The following ANKRD6 variants were observed in gnomAD, a reference collection of about 807,000 sequenced individuals.
ANKRD6 encodes the protein ankyrin repeat domain 6.
ANKRD6 carries 56 observed loss-of-function variants against 82.3 expected under a neutral mutation model. The ratio of observed to expected loss-of-function variants is 0.68; its 90% confidence interval spans 0.55 to 0.85. ANKRD6 has a LOEUF of 0.85. ANKRD6 is among the 40% of genes least tolerant of loss of function. The pLI is 0.00. For missense variants in ANKRD6, 852 were observed against 907.6 expected, an observed-to-expected ratio of 0.94 and a Z score of 0.79; for synonymous variants, 347 against 352.1, an observed-to-expected ratio of 0.99 and a Z score of 0.16.
intron 1 of ANKRD6, among the ~76,000 whole-genome samples, chr6:89,455,668 G>A (rs1021171460): frequency 6.6e-6 from 1 of 151,912 alleles, no homozygotes; most frequent in African/African-American, 2.4e-5. Flanking sequence ...TGTTTTAAAA[G>A]CATGTAACAC....
At chr6:89,600,614 TAAGAAGGG>T (rs1796914140) in intron 3 of ANKRD6, among the ~76,000 whole-genome samples, 1 of 152,160 alleles carries the variant, frequency 6.6e-6, no homozygotes, top group Non-Finnish European at 1.5e-5. Context: ...TGGTTCTTGC[TAAGAAGGG>T]CACTGTCTTT....
chr6:89,516,205 C>T (rs937902534), intron 1 of ANKRD6, among the ~76,000 whole-genome samples: 2 of 152,162 alleles, frequency 1.3e-5, no homozygotes, highest in Non-Finnish European at 2.9e-5. Context: ...CTGAGTAGAG[C>T]AGATGGCCCT....
chr6:89,611,939 C>G (rs552640638), intron 5 of ANKRD6, among the ~76,000 whole-genome samples: 52 of 152,322 alleles, frequency 3.4e-4, no homozygotes, highest in African/African-American at 1.1e-3. Context: ...CCTAGACACT[C>G]TGAGTCAATC....
rs1366168122 is a variant in ANKRD6 at position 89,566,844 on chromosome 6, T to C, written c.-133T>C. On this transcript the variant is annotated 5_prime_UTR_variant, in exon 2 of 16. An upstream start codon of the reference 5' UTR is lost. Transcript: ENST00000339746. ...TTTTGTAACCCCTAGGTCCCGAAGA[T>C]GGCATATTCATAAAGACATCTTCTG... is the stretch of plus-strand genomic sequence containing the variant. 1 of 1,276,748 alleles carries C rather than the reference T, an allele frequency of 7.8e-7. No individual in the cohort carries two copies. Among genetic ancestry groups the C allele is most frequent in the Non-Finnish European group, 1.1e-6 (1 of 930,938 alleles). The allele number at this position is 1,276,748 out of a possible 1,614,324, so 79.1% of individuals were successfully genotyped here.
chr6:89,463,924 A>G (rs556687804), intron 1 of ANKRD6, among the ~76,000 whole-genome samples: 1 of 152,346 alleles, frequency 6.6e-6, no homozygotes, highest in African/African-American at 2.4e-5. Flanking sequence ...TTCTCATTGA[A>G]GGAGCTCATC....
intron 1 of ANKRD6, among the ~76,000 whole-genome samples, chr6:89,485,477 T>C (rs1046507629): frequency 5.9e-5 from 9 of 152,206 alleles, no homozygotes; most frequent in African/African-American, 2.2e-4. Flanking sequence ...TTATATTCTT[T>C]CCTCAAAGGG....
At chr6:89,460,527 C>A (rs891302929) in intron 1 of ANKRD6, among the ~76,000 whole-genome samples, 2 of 152,068 alleles carry the variant, frequency 1.3e-5, no homozygotes, top group Non-Finnish European at 2.9e-5. Flanking sequence ...ACCTCTGCCT[C>A]CCAGGTTCAA....
intron 9 of ANKRD6, among the ~76,000 whole-genome samples, chr6:89,620,992 C>G (rs1329382233): frequency 6.6e-6 from 1 of 152,096 alleles, no homozygotes; most frequent in East Asian, 1.9e-4. Flanking sequence ...TGGCGTGAAC[C>G]CGGGAGGCGG....
intron 1 of ANKRD6, among the ~76,000 whole-genome samples, chr6:89,493,044 A>G (rs1422662074): frequency 6.6e-6 from 1 of 152,174 alleles, no homozygotes. Context: ...AAAAATGTCA[A>G]ATGATAGGTG....
intron 7 of ANKRD6, among the ~76,000 whole-genome samples, chr6:89,614,250 A>T (rs776450122): frequency 5.3e-5 from 8 of 152,204 alleles, no homozygotes; most frequent in Non-Finnish European, 1.0e-4. Context: ...AGTGGCTCAC[A>T]TCCCAGTACT....
intron 1 of ANKRD6, among the ~76,000 whole-genome samples, chr6:89,486,040 A>G (rs1777327606): frequency 6.6e-6 from 1 of 152,232 alleles, no homozygotes; most frequent in Admixed American, 6.5e-5. Context: ...TTTGATACAT[A>G]TCTTGCCAGT....
intron 1 of ANKRD6, among the ~76,000 whole-genome samples, chr6:89,444,134 G>T (rs1771765629): frequency 6.6e-6 from 1 of 152,188 alleles, no homozygotes; most frequent in Non-Finnish European, 1.5e-5. Context: ...TGAGAGGAAG[G>T]ACCTAAGTCC....
chr6:89,612,357 A>T lies in ANKRD6; in HGVS notation c.503A>T (p.Asp168Val), dbSNP rs1360487218. 6.4e-7 allele frequency: 1 copy of T among 1,556,818 alleles called. No homozygotes were observed. Among genetic ancestry groups the T allele is most frequent in the Non-Finnish European group, 8.7e-7 (1 of 1,148,866 alleles). The change falls in exon 6 of 16, where the codon GAC becomes GTC. Residue 168 changes from aspartate to valine, a missense_variant. Physicochemically the swap from Asp to Val is radical, Grantham distance 152. Transcript: ENST00000339746. ...CTCCTGCTGGCCGGGTCCCGCGCTG[A>T]CCTCAAAAATAATGTGGGTGAACAA... is the stretch of plus-strand genomic sequence containing the variant. ...RVLLLAGSRA[D>V]LKNNAGDTCL...
chr6:89,548,277 C>T (rs1019896504), intron 1 of ANKRD6, among the ~76,000 whole-genome samples: 2 of 152,178 alleles, frequency 1.3e-5, no homozygotes, highest in Admixed American at 6.6e-5. Flanking sequence ...TAAATAGAAG[C>T]ATGCACTATG....
At chr6:89,626,907 C>T (rs954078929) in intron 13 of ANKRD6, among the ~76,000 whole-genome samples, 20 of 152,232 alleles carry the variant, frequency 1.3e-4, no homozygotes, top group Admixed American at 9.8e-4. Context: ...AATATTTGCT[C>T]ACTGCAAGAG....
At chr6:89,519,832 A>G (rs188351032) in intron 1 of ANKRD6, among the ~76,000 whole-genome samples, 148 of 152,346 alleles carry the variant, frequency 9.7e-4, no homozygotes, top group African/African-American at 3.3e-3. Context: ...TAGAAATGCT[A>G]TCTGTTAAAG....
chr6:89,468,225 G>A (rs752063315), intron 1 of ANKRD6, among the ~76,000 whole-genome samples: 2 of 152,170 alleles, frequency 1.3e-5, no homozygotes, highest in Admixed American at 6.5e-5. Flanking sequence ...ATGATAATGA[G>A]GCTATTTATC....
At position 89,612,343 on chromosome 6, in the gene ANKRD6, C is replaced by CGG; in HGVS notation, c.491_492dup (p.Ser165GlyfsTer54). On this transcript the variant is annotated frameshift_variant, in exon 6 of 16. Coordinates refer to ENST00000339746, the MANE Select transcript of ANKRD6 (RefSeq NM_001242809.2). LOFTEE classifies it high-confidence loss of function. The stretch of plus-strand genomic sequence containing the variant: ...AGAGCACGCGCGTCCTCCTGCTGGC[C>CGG]GGGTCCCGCGCTGACCTCAAAAATA... 1 of 1,562,422 alleles carries CGG rather than the reference C, an allele frequency of 6.4e-7. No individual in the cohort carries two copies. Among genetic ancestry groups the CGG allele is most frequent in the Non-Finnish European group, 8.7e-7 (1 of 1,152,620 alleles).
Position 89,623,902 on chromosome 6 carries a change from G to A in ANKRD6, c.1063G>A (p.Ala355Thr). ...VSAFSDPTPP[A>T]DQQPGHQKNL... ...AGCATTTTCTGACCCCACCCCACCAGCCGACCAACAGCCTGGACACCAGAA... is the reference window on the plus strand; with the variant it reads ...AGCATTTTCTGACCCCACCCCACCAACCGACCAACAGCCTGGACACCAGAA... Residue 355 changes from alanine (A) to threonine (T), a missense_variant, in exon 12 of 16, where the codon GCC becomes ACC. Ala to Thr is a moderately conservative substitution (Grantham distance 58, BLOSUM62 0). Coordinates refer to ENST00000339746, the MANE Select transcript of ANKRD6 (RefSeq NM_001242809.2). 6.2e-7 allele frequency: 1 copy of A among 1,613,664 alleles called. No individual in the cohort carries two copies. The highest frequency in any genetic ancestry group is 8.5e-7 in the Non-Finnish European group (1 of 1,179,776).
Sources: gnomAD v4.1 joint callset for allele counts (sites outside exome capture counted in the v4.1 genomes callset) on GRCh38, gnomAD v4.1.1 for gene constraint, MANE v1.5 for transcripts, NCBI Gene and HGNC (gene_info 2026-07-23, HGNC 2026-07-21) for gene names.